The following HECW1 variants were observed in gnomAD, a reference collection of about 807,000 sequenced individuals.
HECW1 encodes E3 ubiquitin-protein ligase HECW1.
Under a neutral mutation model 182.3 loss-of-function variants are expected in HECW1, and 61 were observed. That is an observed-to-expected ratio of 0.33 (90% CI 0.27 to 0.41). HECW1 has a LOEUF of 0.41. Ranked by LOEUF, HECW1 falls within the 10% of genes least tolerant of loss-of-function variation. HECW1 has a pLI of 1.00. For missense variants in HECW1, 1,739 were observed against 2,108.9 expected, an observed-to-expected ratio of 0.82 and a Z score of 3.44; for synonymous variants, 859 against 832.6, an observed-to-expected ratio of 1.03 and a Z score of -0.55.
chr7:43,449,566 T>C (rs2077166981), intron 11 of HECW1, among the ~76,000 whole-genome samples: 1 of 152,208 alleles, frequency 6.6e-6, no homozygotes, highest in South Asian at 2.1e-4. Context: ...GAAATAACCA[T>C]CCTTTCCATG....
At chr7:43,487,007 A>G (rs1325319582) in intron 17 of HECW1, among the ~76,000 whole-genome samples, 1 of 152,224 alleles carries the variant, frequency 6.6e-6, no homozygotes, top group Admixed American at 6.5e-5. Context: ...AAAATATTGA[A>G]CAACTCAAAT....
At chr7:43,255,894 T>C (rs1299844991) in intron 3 of HECW1, among the ~76,000 whole-genome samples, 1 of 152,214 alleles carries the variant, frequency 6.6e-6, no homozygotes, top group Non-Finnish European at 1.5e-5. Flanking sequence ...AAATGTGAGT[T>C]GTAGTTAATT....
intron 6 of HECW1, among the ~76,000 whole-genome samples, chr7:43,364,001 C>A (rs1457137784): frequency 6.6e-6 from 1 of 152,158 alleles, no homozygotes; most frequent in Non-Finnish European, 1.5e-5. Flanking sequence ...TGTGAGGTTT[C>A]CCTCTATCAA....
At chr7:43,525,387 G>T (rs1023035542) in intron 24 of HECW1, among the ~76,000 whole-genome samples, 9 of 152,148 alleles carry the variant, frequency 5.9e-5, no homozygotes, top group Non-Finnish European at 1.3e-4. Flanking sequence ...GTTGGGAGAG[G>T]TTTAAAAAGC....
intron 6 of HECW1, among the ~76,000 whole-genome samples, chr7:43,379,677 A>G (rs2074467967): frequency 6.6e-6 from 1 of 152,070 alleles, no homozygotes; most frequent in Non-Finnish European, 1.5e-5. Flanking sequence ...GGGCCCTTGC[A>G]CTTCAGGTTT....
intron 2 of HECW1, among the ~76,000 whole-genome samples, chr7:43,149,375 C>T (rs1789054490): frequency 1.3e-5 from 2 of 152,100 alleles, no homozygotes; most frequent in Admixed American, 1.3e-4. Context: ...ATTAGATAAA[C>T]CCAAAATAAG....
chr7:43,540,483 C>G (rs1240017956), intron 24 of HECW1, among the ~76,000 whole-genome samples: 3 of 152,172 alleles, frequency 2.0e-5, no homozygotes, highest in Admixed American at 6.5e-5. Context: ...GCAAAATGCT[C>G]AGGAAGTCAA....
intron 2 of HECW1, chr7:43,239,921 G>T (rs1798713189): frequency 6.6e-6 from 1 of 152,182 alleles, no homozygotes; most frequent in Admixed American, 6.5e-5. Flanking sequence ...CCCGAACCAG[G>T]ACTTCTGGCT....
intron 2 of HECW1, among the ~76,000 whole-genome samples, chr7:43,223,736 T>C (rs1006530687): frequency 2.6e-5 from 4 of 152,212 alleles, no homozygotes; most frequent in Non-Finnish European, 5.9e-5. Flanking sequence ...TGCCACCTAA[T>C]GTGCTCTCTC....
intron 2 of HECW1, among the ~76,000 whole-genome samples, chr7:43,235,444 G>A (rs1397405389): frequency 6.6e-6 from 1 of 152,218 alleles, no homozygotes; most frequent in Non-Finnish European, 1.5e-5. Context: ...CGGAATAAGA[G>A]AGGCATCCTT....
chr7:43,182,739 A>AGATCACTTTTGGTAGTAT (rs140760780), intron 2 of HECW1, among the ~76,000 whole-genome samples: 1 of 152,046 alleles, frequency 6.6e-6, no homozygotes, highest in South Asian at 2.1e-4. Context: ...TTCAATCTGT[A>AGATCACTTTTGGTAGTAT]GATCACTTTT....
chr7:43,238,331 C>A (rs926271933), intron 2 of HECW1, among the ~76,000 whole-genome samples: 18 of 152,202 alleles, frequency 1.2e-4, no homozygotes, highest in Admixed American at 1.2e-3. Context: ...CCTGTTCTTA[C>A]CACCTTGGCT....
chr7:43,311,826 A>G lies in HECW1; in HGVS notation c.91A>G (p.Ser31Gly), dbSNP rs1808555109. The G allele has an allele frequency of 6.2e-7, 1 of 1,614,050 alleles. No individual in the cohort carries two copies. The highest frequency in any genetic ancestry group is 8.5e-7 in the Non-Finnish European group (1 of 1,180,010). ...GGCGTCTCCTTCTAGAAACTCCCAG[A>G]GCCGACGCCGGTGCAAGGAGCCGCT... ...AMASPSRNSQ[S>G]RRRCKEPLRY... Residue 31 changes from serine (S) to glycine (G), a missense_variant, in exon 4 of 30, where the codon AGC becomes GGC. Physicochemically the swap from Ser to Gly is moderately conservative, Grantham distance 56 (BLOSUM62 0). Around this residue, in one of 5 missense-constraint regions of HECW1, gnomAD observed 279 missense variants for 353.1 expected, o/e 0.79. Coordinates refer to ENST00000395891, the MANE Select transcript of HECW1 (RefSeq NM_015052.5).
intron 2 of HECW1, among the ~76,000 whole-genome samples, chr7:43,137,527 C>T (rs1452946306): frequency 2.9e-5 from 4 of 137,342 alleles, no homozygotes; most frequent in African/African-American, 1.1e-4. Flanking sequence ...TTTCTGCCTT[C>T]TTTTATTTAT....
intron 8 of HECW1, among the ~76,000 whole-genome samples, chr7:43,421,142 A>G (rs541117615): frequency 6.6e-6 from 1 of 152,376 alleles, no homozygotes; most frequent in South Asian, 2.1e-4. Flanking sequence ...GATGCACCAC[A>G]TAGCATCATC....
At chr7:43,122,713 A>T in intron 2 of HECW1, among the ~76,000 whole-genome samples, 1 of 152,374 alleles carries the variant, frequency 6.6e-6, no homozygotes, top group Non-Finnish European at 1.5e-5. Context: ...AAGGAAAAAA[A>T]TATCACTATA....
intron 23 of HECW1, among the ~76,000 whole-genome samples, chr7:43,508,450 A>G (rs530949139): frequency 2.0e-5 from 3 of 152,302 alleles, no homozygotes; most frequent in Admixed American, 1.3e-4. Flanking sequence ...CTTAAAGTGC[A>G]TGTATACAAC....
chr7:43,203,185 T>C (rs1443346491), intron 2 of HECW1, among the ~76,000 whole-genome samples: 1 of 152,160 alleles, frequency 6.6e-6, no homozygotes, highest in Non-Finnish European at 1.5e-5. Flanking sequence ...TTGCCTTTTA[T>C]ACTTATTATA....
chr7:43,493,560 G>A (rs1013953167), intron 19 of HECW1, among the ~76,000 whole-genome samples: 8 of 152,062 alleles, frequency 5.3e-5, no homozygotes, highest in African/African-American at 1.2e-4. Context: ...AGCCGTGTTC[G>A]AAAATAAAAA....
Sources: gnomAD v4.1 joint callset for allele counts (sites outside exome capture counted in the v4.1 genomes callset) on GRCh38, gnomAD v4.1.1 for gene constraint, gnomAD v4.1.1 regional missense constraint, MANE v1.5 for transcripts, NCBI Gene and HGNC (gene_info 2026-07-23, HGNC 2026-07-21) for gene names.